Variants in ZDHHC14 observed in about 807,000 individuals in gnomAD.
ZDHHC14 encodes the protein palmitoyltransferase ZDHHC14.
Under a neutral mutation model 47.7 loss-of-function variants are expected in ZDHHC14, and 16 were observed. The ratio of observed to expected loss-of-function variants is 0.34; its 90% CI spans 0.23 to 0.51. The LOEUF (loss-of-function observed/expected upper bound fraction) is 0.51. Ranked by LOEUF, ZDHHC14 falls within the 20% of genes least tolerant of loss-of-function variation. The pLI, the probability that ZDHHC14 is intolerant of heterozygous loss-of-function variation, is 0.97. For synonymous variants in ZDHHC14, 293 were observed against 278.9 expected (o/e 1.05, Z -0.50); for missense variants, 515 against 662.5 (o/e 0.78, Z 2.44).
At chr6:157,425,715 T>C (rs1347296691) in intron 1 of ZDHHC14, among the ~76,000 whole-genome samples, 4 of 152,204 alleles carry the variant, frequency 2.6e-5, no homozygotes, top group Non-Finnish European at 5.9e-5. Context: ...CTAAAATTCT[T>C]GCCTGCATCC....
chr6:157,515,129 C>A lies in ZDHHC14; in HGVS notation c.246-27456C>A, dbSNP rs564976212. On this transcript the variant is annotated intron_variant, in intron 1 of 8. Coordinates refer to ENST00000359775, the MANE Select transcript of ZDHHC14 (RefSeq NM_024630.3). ...GGTTGCTTGGTGAGTGGGGCCTGAG[C>A]ACTCACGGGGAGAGAGATGACCCTG... Among the ~76,000 whole-genome samples the A allele has an allele frequency of 5.3e-5, 8 of 152,286 alleles. No homozygotes were observed. The South Asian group carries it at 1.7e-3, about 32-fold the overall frequency.
At position 157,672,218 on chromosome 6, in the gene ZDHHC14, G is replaced by A. The variant is rs139093581; in HGVS notation, c.1069-506G>A. 2.3e-3 allele frequency among the ~76,000 whole-genome samples: 357 copies of A among 152,264 alleles called. 2 individuals carry two copies. Among genetic ancestry groups the A allele is most frequent in the Middle Eastern group, 0.017 (5 of 294 alleles). On this transcript the variant is annotated intron_variant, in intron 8 of 8. Transcript: ENST00000359775. ...ATCAGTAACACTGTGTGTCTACACC[G>A]CACCTTGTCCCTGCTGTCATCCATC...
At chr6:157,572,756 A>G (rs1783150657) in intron 2 of ZDHHC14, among the ~76,000 whole-genome samples, 2 of 150,362 alleles carry the variant, frequency 1.3e-5, no homozygotes, top group African/African-American at 4.9e-5. Flanking sequence ...GGCATACAGT[A>G]GGTGCCTAAT....
chr6:157,551,726 G>A (rs892412565), intron 2 of ZDHHC14, among the ~76,000 whole-genome samples: 6 of 152,148 alleles, frequency 3.9e-5, no homozygotes, highest in Non-Finnish European at 5.9e-5. Flanking sequence ...CAGGACTGTC[G>A]TATTTTCAGG....
intron 1 of ZDHHC14, among the ~76,000 whole-genome samples, chr6:157,532,834 C>T (rs1177547932): frequency 2.0e-5 from 3 of 152,236 alleles, no homozygotes; most frequent in Non-Finnish European, 2.9e-5. Context: ...TATACATTAT[C>T]GTCAAGCATC....
chr6:157,673,185 G>T lies in ZDHHC14; in HGVS notation c.*63G>T. 2 of 1,485,702 alleles carry T rather than the reference G, an allele frequency of 1.3e-6. No individual in the cohort carries two copies. Among genetic ancestry groups the T allele is most frequent in the East Asian group, 5.0e-5 (2 of 39,914 alleles). The allele number at this position is 1,485,702 out of a possible 1,614,324, so 92.0% of individuals were successfully genotyped here. A position where few individuals can be genotyped will look rare whatever the true frequency, so the allele number is the denominator to read the frequency against. ...TCCATGGGCAGCAGGAGTGAGCGGA[G>T]GGGTGTGTCCCACAGCGACTTTCCC... On this transcript the variant is annotated 3_prime_UTR_variant, in exon 9 of 9. Transcript: ENST00000359775. This position sits in a 1 kb window ranked among gnomAD's most constrained non-coding sequence, Gnocchi z 5.4.
intron 3 of ZDHHC14, among the ~76,000 whole-genome samples, chr6:157,596,821 G>A (rs1784152823): frequency 6.6e-6 from 1 of 152,210 alleles, no homozygotes. Context: ...GTAAGCGCGT[G>A]GCTCTGGCCA....
At chr6:157,611,821 G>A (rs1031872459) in intron 3 of ZDHHC14, among the ~76,000 whole-genome samples, 2 of 152,088 alleles carry the variant, frequency 1.3e-5, no homozygotes, top group East Asian at 1.9e-4. Flanking sequence ...GACCGGCTCC[G>A]TCCCTTTTGT....
chr6:157,416,318 G>A (rs1322581779), intron 1 of ZDHHC14, among the ~76,000 whole-genome samples: 1 of 152,132 alleles, frequency 6.6e-6, no homozygotes, highest in African/African-American at 2.4e-5. Context: ...TTTCTGTGAA[G>A]TGTTATAATT....
chr6:157,542,536 T>C, intron 1 of ZDHHC14, 49 bp from the exon 2 acceptor site: 5 of 1,590,618 alleles, frequency 3.1e-6, no homozygotes, highest in Non-Finnish European at 4.3e-6. Flanking sequence ...CCTAACATTG[T>C]ATTTCCTTTC....
At chr6:157,416,291 T>C (rs769080045) in intron 1 of ZDHHC14, among the ~76,000 whole-genome samples, 1 of 152,216 alleles carries the variant, frequency 6.6e-6, no homozygotes, top group Non-Finnish European at 1.5e-5. Flanking sequence ...TTTTTCTATA[T>C]ATATTTGCCA....
intron 1 of ZDHHC14, among the ~76,000 whole-genome samples, chr6:157,405,771 G>T (rs988392711): frequency 6.6e-6 from 1 of 152,156 alleles, no homozygotes; most frequent in Non-Finnish European, 1.5e-5. Flanking sequence ...CACTTTATAA[G>T]TGAGGCTCTA....
intron 1 of ZDHHC14, among the ~76,000 whole-genome samples, chr6:157,425,759 T>G (rs1163240352): frequency 6.6e-6 from 1 of 152,180 alleles, no homozygotes; most frequent in Admixed American, 6.5e-5. Flanking sequence ...CTGTTTCCCC[T>G]GCAGCCTCAT....
At chr6:157,528,442 G>GC (rs1037599939) in intron 1 of ZDHHC14, among the ~76,000 whole-genome samples, 1 of 151,724 alleles carries the variant, frequency 6.6e-6, no homozygotes, top group Non-Finnish European at 1.5e-5. Flanking sequence ...AATTTAAAAA[G>GC]CACGATAGGG....
chr6:157,645,617 GAGAGAGAGGCCAGCAACT>G (rs1777493008), intron 5 of ZDHHC14, 102 bp from the exon 6 acceptor site: 2 of 716,228 alleles, frequency 2.8e-6, no homozygotes, highest in Non-Finnish European at 4.6e-6. Context: ...AAGGCCGGGT[GAGAGAGAGGCCAGCAACT>G]AGAGAGAGGC....
At chr6:157,647,169 A>T (rs945589780) in intron 6 of ZDHHC14, 90 bp from the exon 7 acceptor site, 1 of 833,344 alleles carries the variant, frequency 1.2e-6, no homozygotes, top group Non-Finnish European at 1.9e-6. Context: ...GATGATTTGC[A>T]TTCTTTATGA....
chr6:157,496,630 T>G (rs113062205), intron 1 of ZDHHC14, among the ~76,000 whole-genome samples: 2 of 152,154 alleles, frequency 1.3e-5, no homozygotes, highest in African/African-American at 4.8e-5. Context: ...GGCATGTGCC[T>G]GGGGTGATGC....
intron 1 of ZDHHC14, among the ~76,000 whole-genome samples, chr6:157,529,785 GA>G (rs1184675692): frequency 1.3e-5 from 2 of 152,320 alleles, no homozygotes; most frequent in Middle Eastern, 3.4e-3. Flanking sequence ...GTGCAAAACA[GA>G]AGTGTAGGCC....
At chr6:157,466,579 T>C (rs546832790) in intron 1 of ZDHHC14, among the ~76,000 whole-genome samples, 7 of 152,356 alleles carry the variant, frequency 4.6e-5, no homozygotes, top group African/African-American at 1.4e-4. Flanking sequence ...GGCTCACGCC[T>C]GTGATCCCAG....
Sources: allele counts gnomAD v4.1 joint callset (sites outside exome capture counted in the v4.1 genomes callset), GRCh38; gene constraint gnomAD v4.1.1; non-coding constraint Gnocchi (gnomAD v3.1); transcripts MANE v1.5; gene names NCBI Gene and HGNC (gene_info 2026-07-23, HGNC 2026-07-21).